SGCZ: variants seen among roughly 807,000 people sequenced by gnomAD.
The protein encoded by SGCZ is sarcoglycan zeta.
In SGCZ, 40 loss-of-function variants were observed where a neutral mutation model predicts 41.3. The observed-to-expected ratio is 0.97, with a 90% CI of 0.75 to 1.26. The LOEUF (loss-of-function observed/expected upper bound fraction) is 1.26. Among genes scored for constraint, SGCZ ranks in the 50% most tolerant of loss-of-function variants. The probability of loss-of-function intolerance (pLI) is 0.00; values close to 1 mark genes in which losing one functional copy is unlikely to be tolerated. For missense variants in SGCZ, 552 were observed against 369.8 expected (o/e 1.49, Z -4.04); for synonymous variants, 206 against 137.5 (o/e 1.50, Z -3.49).
chr8:14,754,194 C>A (rs533174698), intron 1 of SGCZ, among the ~76,000 whole-genome samples: 42 of 152,244 alleles, frequency 2.8e-4, no homozygotes, highest in African/African-American at 9.9e-4. Flanking sequence ...TGGTTTAAAT[C>A]TGATTACTCT....
intron 4 of SGCZ, among the ~76,000 whole-genome samples, chr8:14,202,748 C>T (rs896133296): frequency 6.6e-6 from 1 of 151,414 alleles, no homozygotes; most frequent in African/African-American, 2.5e-5. Flanking sequence ...ACAAAGTCAT[C>T]TTCTTCCTTC....
At chr8:14,514,816 T>TAC (rs1491563787) in intron 2 of SGCZ, among the ~76,000 whole-genome samples, 499 of 34,780 alleles carry the variant, frequency 0.014, 2 homozygotes, top group Middle Eastern at 0.027. Flanking sequence ...TGTGTGTGTA[T>TAC]ATATACACGC....
chr8:15,046,520 T>G (rs1423043826), intron 1 of SGCZ, among the ~76,000 whole-genome samples: 1 of 152,010 alleles, frequency 6.6e-6, no homozygotes, highest in African/African-American at 2.4e-5. Flanking sequence ...GCAGTGTTCT[T>G]TTTCTATGTT....
chr8:14,841,074 A>G (rs1802891364), intron 1 of SGCZ, among the ~76,000 whole-genome samples: 1 of 152,034 alleles, frequency 6.6e-6, no homozygotes, highest in Admixed American at 6.6e-5. Flanking sequence ...GGAGAACCAA[A>G]TCCATGCTAA....
intron 5 of SGCZ, among the ~76,000 whole-genome samples, chr8:14,141,721 G>A (rs1279462278): frequency 2.6e-5 from 4 of 152,204 alleles, no homozygotes; most frequent in Non-Finnish European, 5.9e-5. Flanking sequence ...GTTGATGGGA[G>A]TGTAAACTAC....
intron 1 of SGCZ, among the ~76,000 whole-genome samples, chr8:14,701,340 A>C (rs1472115689): frequency 1.3e-5 from 2 of 151,998 alleles, no homozygotes; most frequent in African/African-American, 4.8e-5. Flanking sequence ...TATTGACAGA[A>C]GTACCTCTCT....
chr8:14,181,611 G>A (rs966341307), intron 4 of SGCZ, among the ~76,000 whole-genome samples: 6 of 152,218 alleles, frequency 3.9e-5, no homozygotes, highest in Non-Finnish European at 8.8e-5. Context: ...AAGCATGGGG[G>A]TGGTTCCCCA....
chr8:14,285,582 G>A (rs1297344471), intron 3 of SGCZ, among the ~76,000 whole-genome samples: 1 of 10,002 alleles, frequency 1.0e-4, no homozygotes, highest in Non-Finnish European at 1.3e-3. Context: ...ATTTTTATGT[G>A]TTAAAAATAA....
intron 3 of SGCZ, among the ~76,000 whole-genome samples, chr8:14,293,689 C>G (rs138020679): frequency 2.6e-5 from 4 of 151,850 alleles, no homozygotes; most frequent in African/African-American, 9.6e-5. Context: ...AATTCATGGT[C>G]CCATGAAATT....
At chr8:14,867,783 G>A (rs547963431) in intron 1 of SGCZ, among the ~76,000 whole-genome samples, 1 of 152,112 alleles carries the variant, frequency 6.6e-6, no homozygotes, top group South Asian at 2.1e-4. Flanking sequence ...AGTGGGAGAA[G>A]GGAGAGGATC....
At chr8:14,252,140 G>A (rs1585281998) in intron 3 of SGCZ, among the ~76,000 whole-genome samples, 4 of 151,952 alleles carry the variant, frequency 2.6e-5, no homozygotes, top group Admixed American at 2.6e-4. Flanking sequence ...CCTTCATTCT[G>A]CCTTTCATGT....
chr8:14,097,438 G>A (rs990335196), intron 7 of SGCZ, among the ~76,000 whole-genome samples: 6 of 152,154 alleles, frequency 3.9e-5, no homozygotes, highest in Admixed American at 6.6e-5. Flanking sequence ...GTTCTAATTT[G>A]ATTGCACTGT....
chr8:15,122,252 T>G (rs1310470144), intron 1 of SGCZ, among the ~76,000 whole-genome samples: 1 of 151,954 alleles, frequency 6.6e-6, no homozygotes, highest in Non-Finnish European at 1.5e-5. Context: ...CAAGAAAGGC[T>G]TAATGGGAAT....
At chr8:14,615,390 C>T (rs376378760) in intron 1 of SGCZ, among the ~76,000 whole-genome samples, 16 of 152,208 alleles carry the variant, frequency 1.1e-4, no homozygotes, top group African/African-American at 2.7e-4. Context: ...GTATCTGGCC[C>T]ATAAAAGCTC....
intron 1 of SGCZ, among the ~76,000 whole-genome samples, chr8:14,700,220 A>G (rs1809092034): frequency 6.6e-6 from 1 of 151,982 alleles, no homozygotes; most frequent in Non-Finnish European, 1.5e-5. Flanking sequence ...GCCCATCAAC[A>G]GTGGAATGGA....
At chr8:14,461,068 GA>G (rs1800888534) in intron 2 of SGCZ, among the ~76,000 whole-genome samples, 1 of 152,024 alleles carries the variant, frequency 6.6e-6, no homozygotes, top group Admixed American at 6.6e-5. Flanking sequence ...GAAAAGATAT[GA>G]AAAGGAATTC....
chr8:14,530,489 T>A (rs1289438929), intron 2 of SGCZ, among the ~76,000 whole-genome samples: 2 of 152,222 alleles, frequency 1.3e-5, no homozygotes, highest in Admixed American at 1.3e-4. Context: ...TATTCACATT[T>A]TAGAGCATTC....
At chr8:15,166,134 G>T (rs1391486375) in intron 1 of SGCZ, among the ~76,000 whole-genome samples, 1 of 151,506 alleles carries the variant, frequency 6.6e-6, no homozygotes, top group East Asian at 1.9e-4. Flanking sequence ...CTGGCTTTTT[G>T]AATTCTTCAA....
At chr8:14,843,188 G>C (rs1189974549) in intron 1 of SGCZ, among the ~76,000 whole-genome samples, 1 of 152,076 alleles carries the variant, frequency 6.6e-6, no homozygotes, top group Non-Finnish European at 1.5e-5. Flanking sequence ...CTCCAGCCTG[G>C]GCAACAAAGT....
Sources: allele counts gnomAD v4.1 joint callset (sites outside exome capture counted in the v4.1 genomes callset), GRCh38; gene constraint gnomAD v4.1.1; transcripts MANE v1.5; gene names NCBI Gene and HGNC (gene_info 2026-07-23, HGNC 2026-07-21).